Variants in APBB2 observed in about 807,000 individuals in gnomAD.
The protein encoded by APBB2 is Fe65-like 1.
A neutral mutation model predicts 82.5 loss-of-function variants in APBB2; 38 were observed. That is an observed-to-expected ratio of 0.46 (90% CI 0.36 to 0.60). APBB2 has a LOEUF of 0.60. APBB2 is among the 20% of genes least tolerant of loss of function. APBB2 has a pLI of 0.00. For synonymous variants in APBB2, 341 were observed against 368.2 expected (o/e 0.93, Z 0.85); for missense variants, 772 against 972.3 (o/e 0.79, Z 2.74).
rs117332641 is a variant in APBB2, at chr4:41,085,401, T to C, written c.-149+15238A>G. On this transcript the variant is annotated intron_variant, in intron 3 of 17. Coordinates refer to ENST00000508593, the MANE Select transcript of APBB2 (RefSeq NM_004307.2). ...TACATGTTGAATGGAACATCACTGA[T>C]TCAGAAAATCAGAATTAAAATTTGA... Among the ~76,000 whole-genome samples, 1,450 of 152,284 alleles carry C rather than the reference T, an allele frequency of 9.5e-3. 15 individuals are homozygous for C. The highest frequency in any genetic ancestry group is 0.034 in the East Asian group (177 of 5,184).
chr4:41,160,513 G>A (rs1764889437), intron 1 of APBB2, among the ~76,000 whole-genome samples: 1 of 152,154 alleles, frequency 6.6e-6, no homozygotes. Context: ...AGGAGACCCA[G>A]GTTCAAGATA....
chr4:41,197,340 T>A, intron 1 of APBB2, among the ~76,000 whole-genome samples: 6 of 152,228 alleles, frequency 3.9e-5, no homozygotes, highest in African/African-American at 1.2e-4. Context: ...AAATATTTGA[T>A]GAGCCTTCTT....
intron 4 of APBB2, among the ~76,000 whole-genome samples, chr4:41,043,028 ATT>A (rs1246858900): frequency 1.3e-5 from 2 of 151,822 alleles, no homozygotes; most frequent in Non-Finnish European, 2.9e-5. Context: ...TCTATTTTTT[ATT>A]TTTTTCTTTG....
In APBB2 at chr4:40,832,415, C is replaced by A. The variant is rs190782190; in HGVS notation, c.1530-1838G>T. On this transcript the variant is annotated intron_variant, in intron 12 of 17. Coordinates refer to ENST00000508593, the MANE Select transcript of APBB2 (RefSeq NM_004307.2). This position sits in a 1 kb window ranked among gnomAD's most constrained non-coding sequence, Gnocchi z 4.8. ...GGCTGCCCCATGACGCTTTAATCAC[C>A]GGCAATCCACACATGACCCCAACAT... Among the ~76,000 whole-genome samples the A allele has an allele frequency of 6.6e-6, 1 of 152,170 alleles. No individual in the cohort carries two copies. The highest frequency in any genetic ancestry group is 1.5e-5 in the Non-Finnish European group (1 of 68,034).
At chr4:40,941,700 G>C (rs1361703585) in intron 7 of APBB2, among the ~76,000 whole-genome samples, 1 of 152,220 alleles carries the variant, frequency 6.6e-6, no homozygotes, top group Admixed American at 6.5e-5. Flanking sequence ...TGTGATCATA[G>C]CTCACCTGCA....
rs138291543 is a variant in APBB2 at position 41,067,544 on chromosome 4, A to G, written c.-148-1871T>C. On this transcript the variant is annotated intron_variant, in intron 3 of 17. Transcript: ENST00000508593. Reference sequence around the variant, plus strand: ...GCATAAAAGTGATTACAACATAGAAAGGAGCAGAGATTGTGTCAGTGAGTG... The same window carrying G: ...GCATAAAAGTGATTACAACATAGAAGGGAGCAGAGATTGTGTCAGTGAGTG... 5.9e-3 allele frequency among the ~76,000 whole-genome samples: 897 copies of G among 152,336 alleles called. 11 individuals are homozygous for G. The highest frequency in any genetic ancestry group is 0.01 in the Middle Eastern group (3 of 294).
intron 1 of APBB2, among the ~76,000 whole-genome samples, chr4:41,178,969 A>G (rs1242008199): frequency 6.6e-6 from 1 of 151,996 alleles, no homozygotes; most frequent in Admixed American, 6.6e-5. Flanking sequence ...CCTACTTTTC[A>G]TTCATTAAAC....
intron 5 of APBB2, 49 bp from the exon 6 acceptor site, chr4:41,014,447 G>T: frequency 1.3e-6 from 2 of 1,498,804 alleles, no homozygotes; most frequent in Non-Finnish European, 1.8e-6. Flanking sequence ...AAACTACTTA[G>T]TATACAGTGT....
intron 6 of APBB2, among the ~76,000 whole-genome samples, chr4:40,965,576 T>C (rs1028392161): frequency 1.3e-5 from 2 of 152,172 alleles, no homozygotes; most frequent in African/African-American, 4.8e-5. Context: ...AAAATAATAA[T>C]ATTTATATGG....
intron 10 of APBB2, among the ~76,000 whole-genome samples, chr4:40,898,826 AAAG>A (rs1307179514): frequency 3.5e-5 from 5 of 144,314 alleles, no homozygotes; most frequent in African/African-American, 1.3e-4. Context: ...CTCAAAAAAA[AAAG>A]AAAGAAAAAA....
chr4:41,067,877 C>T (rs1732491446), intron 3 of APBB2, among the ~76,000 whole-genome samples: 1 of 152,076 alleles, frequency 6.6e-6, no homozygotes, highest in Non-Finnish European at 1.5e-5. Flanking sequence ...TGCGTGGCTG[C>T]TGGAAGAGAC....
intron 6 of APBB2, among the ~76,000 whole-genome samples, chr4:40,999,679 C>G (rs897646518): frequency 2.0e-5 from 3 of 152,126 alleles, no homozygotes; most frequent in Non-Finnish European, 4.4e-5. Context: ...GGTCCCAACC[C>G]AGACCTACTG....
intron 3 of APBB2, among the ~76,000 whole-genome samples, chr4:41,097,952 A>G (rs1369231632): frequency 1.3e-5 from 2 of 152,114 alleles, no homozygotes; most frequent in African/African-American, 4.8e-5. Context: ...TACAGTTTTC[A>G]AAGAGCAGTC....
chr4:40,967,170 G>A (rs561843217), intron 6 of APBB2, among the ~76,000 whole-genome samples: 58 of 152,258 alleles, frequency 3.8e-4, no homozygotes, highest in African/African-American at 1.3e-3. Context: ...TGGCTGTGGA[G>A]AGGAGCTACC....
chr4:40,932,707 A>G (rs1381023891), intron 10 of APBB2, among the ~76,000 whole-genome samples: 1 of 152,190 alleles, frequency 6.6e-6, no homozygotes, highest in Non-Finnish European at 1.5e-5. Context: ...GGTTGTTAGC[A>G]CCGAAGATCA....
intron 3 of APBB2, among the ~76,000 whole-genome samples, chr4:41,076,831 T>C (rs1412015832): frequency 6.6e-6 from 1 of 151,898 alleles, no homozygotes; most frequent in South Asian, 2.1e-4. Context: ...ACATATTGCA[T>C]CCACAAAGCA....
intron 6 of APBB2, among the ~76,000 whole-genome samples, chr4:40,994,178 T>G (rs140749422): frequency 0.011 from 1,665 of 151,776 alleles, 27 homozygotes; most frequent in African/African-American, 0.038. Flanking sequence ...TCCCAGCTAC[T>G]CGGGAGGCTG....
At chr4:40,985,995 A>G (rs993492122) in intron 6 of APBB2, among the ~76,000 whole-genome samples, 8 of 152,350 alleles carry the variant, frequency 5.3e-5, no homozygotes, top group African/African-American at 1.9e-4. Flanking sequence ...CATAAATAAC[A>G]AAAGAGAAGT....
chr4:40,896,709 T>C (rs1257205842), intron 10 of APBB2, among the ~76,000 whole-genome samples: 1 of 152,174 alleles, frequency 6.6e-6, no homozygotes, highest in Non-Finnish European at 1.5e-5. Flanking sequence ...AGTTCTGGGG[T>C]ATCCCTGTCA....
Sources: gnomAD v4.1 joint callset for allele counts (sites outside exome capture counted in the v4.1 genomes callset) on GRCh38, gnomAD v4.1.1 for gene constraint, Gnocchi (gnomAD v3.1) non-coding constraint, MANE v1.5 for transcripts, NCBI Gene and HGNC (gene_info 2026-07-23, HGNC 2026-07-21) for gene names.